The following ELP4 variants were observed in gnomAD, a reference collection of about 807,000 sequenced individuals.
ELP4 encodes elongator complex protein 4.
Under a neutral mutation model 48.9 loss-of-function variants are expected in ELP4, and 51 were observed. The observed-to-expected ratio is 1.04, with a 90% confidence interval of 0.83 to 1.32. The LOEUF is 1.32. Among genes scored for constraint, ELP4 ranks in the 40% most tolerant of loss-of-function variants. The pLI is 0.00. For synonymous variants in ELP4, 210 were observed against 189.2 expected, an observed-to-expected ratio of 1.11 and a Z score of -0.90; for missense variants, 519 against 514.6, an observed-to-expected ratio of 1.01 and a Z score of -0.08.
intron 2 of ELP4, among the ~76,000 whole-genome samples, chr11:31,537,853 T>C (rs1192066196): frequency 6.6e-6 from 1 of 152,224 alleles, no homozygotes; most frequent in Non-Finnish European, 1.5e-5. Context: ...ATATCACCTG[T>C]ATTCTATGAC....
intron 2 of ELP4, among the ~76,000 whole-genome samples, chr11:31,524,629 A>G (rs1031680994): frequency 2.6e-5 from 4 of 152,252 alleles, no homozygotes; most frequent in Admixed American, 2.6e-4. Context: ...CACACTTTTC[A>G]TAATTTTAAA....
intron 8 of ELP4, 46 bp from the exon 9 acceptor site, chr11:31,650,069 A>G: frequency 1.3e-6 from 1 of 780,616 alleles, no homozygotes. Context: ...TATGCATCTG[A>G]TGACAATGTT....
At chr11:31,745,313 G>T (rs12276469) in intron 9 of ELP4, among the ~76,000 whole-genome samples, 2,224 of 152,218 alleles carry the variant, frequency 0.015, 45 homozygotes, top group African/African-American at 0.051. Flanking sequence ...TGGCCATACT[G>T]CCCAAGGTAA....
At chr11:31,712,014 A>G (rs2134172707) in intron 9 of ELP4, among the ~76,000 whole-genome samples, 1 of 152,028 alleles carries the variant, frequency 6.6e-6, no homozygotes, top group East Asian at 1.9e-4. Flanking sequence ...CTTCTAAACC[A>G]TGGGTCAGTG....
chr11:31,595,042 A>T (rs1164109605), intron 4 of ELP4, 141 bp downstream of exon 4: 2 of 648,890 alleles, frequency 3.1e-6, no homozygotes, highest in Non-Finnish European at 4.7e-6. Context: ...GGTCAAGATG[A>T]TCTATTTCTT....
At chr11:31,761,615 GGGAGATATGCTAATA>G (rs1947947847) in intron 9 of ELP4, among the ~76,000 whole-genome samples, 1 of 152,102 alleles carries the variant, frequency 6.6e-6, no homozygotes. Context: ...AGGGACAGTG[GGGAGATATGCTAATA>G]GGAAGATATA....
intron 3 of ELP4, among the ~76,000 whole-genome samples, chr11:31,587,667 T>C (rs1957500331): frequency 6.6e-6 from 1 of 152,142 alleles, no homozygotes; most frequent in South Asian, 2.1e-4. Flanking sequence ...ATTATTGATA[T>C]TTTATTATGT....
chr11:31,749,160 A>G (rs1947663462), intron 9 of ELP4, among the ~76,000 whole-genome samples: 1 of 152,186 alleles, frequency 6.6e-6, no homozygotes, highest in African/African-American at 2.4e-5. Context: ...GTAGAGAAAC[A>G]CTTTAGGTTC....
At chr11:31,724,207 C>T (rs1317696908) in intron 9 of ELP4, among the ~76,000 whole-genome samples, 1 of 151,966 alleles carries the variant, frequency 6.6e-6, no homozygotes, top group East Asian at 1.9e-4. Context: ...ATGCTTAGGC[C>T]CCTCTAGAAG....
intron 4 of ELP4, among the ~76,000 whole-genome samples, chr11:31,601,538 C>T (rs1182776708): frequency 6.6e-6 from 1 of 151,910 alleles, no homozygotes; most frequent in Admixed American, 6.6e-5. Context: ...CAATTTTCTG[C>T]CTTGATTCAT....
chr11:31,591,368 T>C (rs1957567840), intron 3 of ELP4, among the ~76,000 whole-genome samples: 1 of 118,946 alleles, frequency 8.4e-6, no homozygotes, highest in Non-Finnish European at 1.6e-5. Context: ...ATGGCACTAC[T>C]GCACTCCAGC....
chr11:31,634,318 C>T (rs1185064995), intron 7 of ELP4: 1 of 151,448 alleles, frequency 6.6e-6, no homozygotes, highest in African/African-American at 2.4e-5. Flanking sequence ...AAAGATTAAA[C>T]AAAAAGTTCC....
At chr11:31,707,344 G>A (rs796964184) in intron 9 of ELP4, 34 of 228,576 alleles carry the variant, frequency 1.5e-4, no homozygotes, top group African/African-American at 5.8e-4. Context: ...ATTTTACCAC[G>A]TGTAATCTAT....
rs574770073 is a variant in ELP4, at chr11:31,765,067, G to A, written c.1144-18326G>A. 3.3e-4 allele frequency among the ~76,000 whole-genome samples: 50 copies of A among 152,190 alleles called. 1 individual carries two copies. In the South Asian group the frequency reaches 0.01, roughly 31 times the overall value. ...CACTCCTCAGCAAAACACTAAGACT[G>A]AATTAAGAGGATGAAGAGGATAATT... On this transcript the variant is annotated intron_variant, in intron 9 of 9. Transcript: ENST00000640961.
At chr11:31,533,064 C>T (rs1220500899) in intron 2 of ELP4, among the ~76,000 whole-genome samples, 6 of 152,130 alleles carry the variant, frequency 3.9e-5, no homozygotes, top group Admixed American at 2.0e-4. Context: ...GCATGAGCCA[C>T]TGTGCCCGGC....
chr11:31,539,029 A>AT (rs1483089989), intron 2 of ELP4, among the ~76,000 whole-genome samples: 1 of 152,018 alleles, frequency 6.6e-6, no homozygotes, highest in African/African-American at 2.4e-5. Context: ...TATTGGTATT[A>AT]TTTTTTCCTT....
chr11:31,535,129 A>G lies in ELP4; in HGVS notation c.260-4533A>G, dbSNP rs572187161. Reference sequence around the variant, plus strand: ...CATTTTGTGAGTGACAAATAATGTTAAAGAACTAGCTATGTGTTTTAATAT... The same window carrying G: ...CATTTTGTGAGTGACAAATAATGTTGAAGAACTAGCTATGTGTTTTAATAT... On this transcript the variant is annotated intron_variant, in intron 2 of 9. Transcript: ENST00000640961. Among the ~76,000 whole-genome samples, 34 of 152,344 alleles carry G rather than the reference A, an allele frequency of 2.2e-4. 1 individual carries two copies. In the South Asian group the frequency reaches 6.2e-3, roughly 28 times the overall value.
At chr11:31,616,311 G>A (rs1944482513) in intron 5 of ELP4, among the ~76,000 whole-genome samples, 1 of 151,908 alleles carries the variant, frequency 6.6e-6, no homozygotes, top group South Asian at 2.1e-4. Context: ...CTTCAACAGG[G>A]TACCAAGGTC....
Position 31,718,080 on chromosome 11 carries a change from A to C in ELP4, c.1144-65313A>C, listed in dbSNP as rs995103713. ...CCAAAGTGCTGGGATTACAGACCTG[A>C]GCCACTGAGCCCAGCTCCTAAAACT... is the stretch of plus-strand genomic sequence containing the variant. On this transcript the variant is annotated intron_variant, in intron 9 of 9. Transcript: ENST00000640961. Among the ~76,000 whole-genome samples, 5 of 152,162 alleles carry C rather than the reference A, an allele frequency of 3.3e-5. No individual in the cohort carries two copies. The East Asian group carries it at 9.6e-4, about 29-fold the overall frequency.
Sources: gnomAD v4.1 joint callset for allele counts (sites outside exome capture counted in the v4.1 genomes callset) on GRCh38, gnomAD v4.1.1 for gene constraint, MANE v1.5 for transcripts, NCBI Gene and HGNC (gene_info 2026-07-23, HGNC 2026-07-21) for gene names.